CUBN: variants seen among roughly 807,000 people sequenced by gnomAD.
CUBN encodes cubilin, also known as 460 kDa receptor.
CUBN carries 282 observed loss-of-function variants against 405.3 expected under a neutral mutation model. The observed-to-expected ratio is 0.70, with a 90% CI of 0.63 to 0.77. The LOEUF (loss-of-function observed/expected upper bound fraction) is 0.77. Ranked by LOEUF, CUBN falls within the 30% of genes least tolerant of loss-of-function variation. The pLI is 0.00. For missense variants in CUBN, 4,514 were observed against 4,475.2 expected, an observed-to-expected ratio of 1.01 and a Z score of -0.25; for synonymous variants, 1,684 against 1,617.0, an observed-to-expected ratio of 1.04 and a Z score of -0.99.
intron 31 of CUBN, among the ~76,000 whole-genome samples, chr10:16,955,599 C>T (rs1275710134): frequency 6.6e-6 from 1 of 152,080 alleles, no homozygotes; most frequent in Non-Finnish European, 1.5e-5. Flanking sequence ...TTTTTGAATA[C>T]TCTTATGTGT....
chr10:16,917,541 C>T (rs569172112), intron 45 of CUBN, among the ~76,000 whole-genome samples: 20 of 152,160 alleles, frequency 1.3e-4, no homozygotes, highest in African/African-American at 4.8e-4. Flanking sequence ...ATTTTTGGGC[C>T]TCTGTTTACC....
At chr10:17,021,842 T>G (rs552130853) in intron 27 of CUBN, among the ~76,000 whole-genome samples, 2 of 152,240 alleles carry the variant, frequency 1.3e-5, no homozygotes, top group South Asian at 4.1e-4. Flanking sequence ...CCCCAGGCAT[T>G]CTTGTTATGG....
Position 16,841,030 on chromosome 10 carries a change from A to T in CUBN, c.9681T>A (p.Ser3227Arg), listed in dbSNP as rs773439837. 15 of 1,613,972 alleles carry T rather than the reference A, an allele frequency of 9.3e-6. No individual in the cohort carries two copies. The Admixed American group carries it at 2.3e-4, about 25-fold the overall frequency. The change falls in exon 61 of 67, where the codon AGT becomes AGA. Residue 3227 changes from serine to arginine, a missense_variant. Coordinates refer to ENST00000377833, the MANE Select transcript of CUBN (RefSeq NM_001081.4). ...ACGTTCCAGCCAAGTTCGCATTTTC[A>T]CTATCCCCATCATATAACTGAGAAG... ...YDYVKLYDGD[S>R]ENANLAGTFC...
intron 27 of CUBN, among the ~76,000 whole-genome samples, chr10:17,028,264 G>T (rs1014735934): frequency 3.6e-5 from 5 of 137,880 alleles, no homozygotes; most frequent in Admixed American, 1.4e-4. Flanking sequence ...TTATTATTAT[G>T]CCTCTTAAAA....
At chr10:17,003,823 C>T (rs1407653528) in intron 28 of CUBN, among the ~76,000 whole-genome samples, 4 of 152,158 alleles carry the variant, frequency 2.6e-5, no homozygotes, top group African/African-American at 9.7e-5. Flanking sequence ...CTCTTAGTAA[C>T]CAGGACCCAG....
intron 28 of CUBN, among the ~76,000 whole-genome samples, chr10:17,015,552 C>T (rs1834304459): frequency 6.6e-6 from 1 of 152,198 alleles, no homozygotes; most frequent in East Asian, 1.9e-4. Context: ...GAGATTAACA[C>T]TGAGAAGGCC....
At chr10:17,047,847 T>C (rs540191778) in intron 22 of CUBN, among the ~76,000 whole-genome samples, 13 of 152,180 alleles carry the variant, frequency 8.5e-5, no homozygotes, top group Admixed American at 2.6e-4. Flanking sequence ...TAAACAACCC[T>C]TTAAGTCTTG....
chr10:17,100,897 C>T (rs1836479609), intron 13 of CUBN, among the ~76,000 whole-genome samples: 1 of 152,142 alleles, frequency 6.6e-6, no homozygotes, highest in African/African-American at 2.4e-5. Flanking sequence ...AGGAAAAATA[C>T]TGAGCATACA....
At chr10:16,881,549 T>A (rs1032160574) in intron 56 of CUBN, among the ~76,000 whole-genome samples, 18 of 152,176 alleles carry the variant, frequency 1.2e-4, no homozygotes, top group African/African-American at 3.4e-4. Context: ...TAGATGGCAA[T>A]AGAATATCAA....
intron 27 of CUBN, among the ~76,000 whole-genome samples, chr10:17,032,553 T>C (rs1219329096): frequency 6.6e-6 from 1 of 152,166 alleles, no homozygotes; most frequent in Non-Finnish European, 1.5e-5. Context: ...GGACAGACAA[T>C]TATATCTATC....
At chr10:17,026,325 A>G (rs947966324) in intron 27 of CUBN, among the ~76,000 whole-genome samples, 6 of 152,250 alleles carry the variant, frequency 3.9e-5, no homozygotes, top group Non-Finnish European at 8.8e-5. Flanking sequence ...TAACAACAGT[A>G]GAAATTGCAA....
Position 17,041,048 on chromosome 10 carries a change from G to C in CUBN, c.4002C>G (p.Ser1334=), listed in dbSNP as rs780816919. 2 of 1,613,360 alleles carry C rather than the reference G, an allele frequency of 1.2e-6. No homozygotes were observed. The highest frequency in any genetic ancestry group is 3.3e-5 in the Admixed American group (2 of 59,986). The change falls in exon 27 of 67, where the codon TCC becomes TCG. Residue 1334 remains serine, a synonymous_variant. Transcript: ENST00000377833. ...TAATACATACCTCTAAATAATCTGT[G>C]GAGCAGTTTATGTGATGTTCCAAGT... ...AFDLEHHINC[S]TDYLELYDGP...
intron 50 of CUBN, among the ~76,000 whole-genome samples, chr10:16,905,742 C>G (rs993100589): frequency 3.3e-5 from 5 of 152,262 alleles, no homozygotes; most frequent in African/African-American, 1.2e-4. Context: ...TGGCTTCGAA[C>G]AGAGTTCTTT....
intron 28 of CUBN, among the ~76,000 whole-genome samples, chr10:17,004,367 T>C (rs1833962200): frequency 6.6e-6 from 1 of 152,234 alleles, no homozygotes; most frequent in Non-Finnish European, 1.5e-5. Flanking sequence ...TTCACCAACA[T>C]GTAGTTTATT....
rs1275489499 is a variant in CUBN, at chr10:17,045,065, A to C, written c.3614T>G (p.Leu1205Arg). 6.2e-7 allele frequency: 1 copy of C among 1,614,004 alleles called. No homozygotes were observed. The highest frequency in any genetic ancestry group is 8.5e-7 in the Non-Finnish European group (1 of 1,180,022). The change falls in exon 25 of 67, where the codon CTG becomes CGG. Residue 1205 changes from leucine (L) to arginine (R), a missense_variant. By Grantham distance (102) the Leu-to-Arg change is moderately radical. Coordinates refer to ENST00000377833, the MANE Select transcript of CUBN (RefSeq NM_001081.4). The part of the protein sequence containing the change: ...LKSSHGSAFE[L>R]EFKDFHLEHH... ...CTCCAAGTGAAAGTCTTTGAATTCC[A>C]GTTCAAATGCGCTGCCGTGGCTAGA... is the stretch of plus-strand genomic sequence containing the variant.
chr10:16,935,703 C>A (rs1221249593), intron 39 of CUBN, among the ~76,000 whole-genome samples: 2 of 151,570 alleles, frequency 1.3e-5, no homozygotes, highest in Admixed American at 6.6e-5. Context: ...CACGGTGAAA[C>A]CCCATCTGTA....
chr10:17,123,635 G>A lies in CUBN; in HGVS notation c.442C>T (p.Leu148Phe), dbSNP rs1428073537. 1.2e-6 allele frequency: 2 copies of A among 1,614,086 alleles called. No homozygotes were observed. Among genetic ancestry groups the A allele is most frequent in the Non-Finnish European group, 1.7e-6 (2 of 1,180,008 alleles). ...CAAAAAAAGGAATCATGCAGATTGAGGCAGGTTCCACCATTCTGGCAAGGA... is the reference window on the plus strand; with the variant it reads ...CAAAAAAAGGAATCATGCAGATTGAAGCAGGTTCCACCATTCTGGCAAGGA... ...SNPCQNGGTC[L>F]NLHDSFFCIC... Residue 148 changes from leucine to phenylalanine, a missense_variant, in exon 5 of 67, where the codon CTC (leucine) becomes TTC (phenylalanine). By Grantham distance (22) the Leu-to-Phe change is conservative. Coordinates refer to ENST00000377833, the MANE Select transcript of CUBN (RefSeq NM_001081.4).
At chr10:17,010,973 C>G (rs935724357) in intron 28 of CUBN, among the ~76,000 whole-genome samples, 1 of 152,204 alleles carries the variant, frequency 6.6e-6, no homozygotes, top group Non-Finnish European at 1.5e-5. Flanking sequence ...CCACTGCACA[C>G]ATTCATGTGT....
At chr10:16,911,119 T>G (rs1268805521) in intron 48 of CUBN, among the ~76,000 whole-genome samples, 1 of 152,170 alleles carries the variant, frequency 6.6e-6, no homozygotes, top group Non-Finnish European at 1.5e-5. Context: ...TATGTTTTAC[T>G]ACAGAAGGTA....
Sources: allele counts gnomAD v4.1 joint callset (sites outside exome capture counted in the v4.1 genomes callset), GRCh38; gene constraint gnomAD v4.1.1; transcripts MANE v1.5; gene names NCBI Gene and HGNC (gene_info 2026-07-23, HGNC 2026-07-21).